Variants in ZDHHC23 observed in about 807,000 individuals in gnomAD.
ZDHHC23 encodes the protein zDHHC palmitoyltransferase 23, also known as palmitoyltransferase ZDHHC23.
Under a neutral mutation model 40.2 loss-of-function variants are expected in ZDHHC23, and 41 were observed. The observed-to-expected ratio is 1.02, with a 90% CI of 0.79 to 1.32. The LOEUF (loss-of-function observed/expected upper bound fraction) is 1.32. Among genes scored for constraint, ZDHHC23 ranks in the 40% most tolerant of loss-of-function variants. The pLI, the probability that ZDHHC23 is intolerant of heterozygous loss-of-function variation, is 0.00. For missense variants in ZDHHC23, 471 were observed against 541.5 expected, an observed-to-expected ratio of 0.87 and a Z score of 1.29; for synonymous variants, 204 against 210.2, an observed-to-expected ratio of 0.97 and a Z score of 0.26.
chr3:113,977,129 T>C, the ZDHHC23 span, among the ~76,000 whole-genome samples: 1 of 152,104 alleles, frequency 6.6e-6, no homozygotes, highest in Non-Finnish European at 1.5e-5. Flanking sequence ...AAACCCTGTT[T>C]CTACTAAAAA....
At chr3:113,952,180 T>TA (rs1218324375) in intron 2 of ZDHHC23, among the ~76,000 whole-genome samples, 1 of 152,030 alleles carries the variant, frequency 6.6e-6, no homozygotes, top group Non-Finnish European at 1.5e-5. Context: ...CCTAAGCATT[T>TA]ATGAGAAGCC....
the ZDHHC23 span, among the ~76,000 whole-genome samples, chr3:113,970,554 T>C: frequency 1.1e-4 from 17 of 152,174 alleles, no homozygotes; most frequent in Non-Finnish European, 1.9e-4. Flanking sequence ...ATTTTGGTCC[T>C]GGCCAGGATG....
At chr3:113,956,126 C>T (rs1201192896) in intron 3 of ZDHHC23, among the ~76,000 whole-genome samples, 2 of 152,120 alleles carry the variant, frequency 1.3e-5, no homozygotes, top group African/African-American at 4.8e-5. Flanking sequence ...CCTGTAATCC[C>T]AGCTACTTGA....
intron 1 of ZDHHC23, 27 bp from the exon 2 acceptor site, chr3:113,948,657 CCT>C (rs1938359310): frequency 1.2e-5 from 11 of 931,884 alleles, no homozygotes; most frequent in South Asian, 1.8e-5. Context: ...ACCCCCTCCC[CCT>C]CTCTCTTCTC....
the ZDHHC23 span, chr3:113,978,136 G>A: frequency 2.5e-6 from 4 of 1,598,464 alleles, no homozygotes; most frequent in African/African-American, 2.7e-5. Flanking sequence ...ATATATTGCT[G>A]AGCAATTGTG....
chr3:113,967,115 GAAAA>G (rs1256669022), downstream of ZDHHC23, among the ~76,000 whole-genome samples: 282 of 151,634 alleles, frequency 1.9e-3, 2 homozygotes, highest in African/African-American at 6.5e-3. Context: ...AAGAAAAAAA[GAAAA>G]AAAGAAAAAG....
intron 1 of ZDHHC23, 164 bp from the exon 2 acceptor site, chr3:113,948,522 A>C: frequency 2.8e-6 from 1 of 354,936 alleles, no homozygotes; most frequent in Admixed American, 4.1e-5. Context: ...TCGCCATAGG[A>C]ACGGCTGGTG....
chr3:113,970,658 G>A, the ZDHHC23 span, among the ~76,000 whole-genome samples: 1 of 152,186 alleles, frequency 6.6e-6, no homozygotes, highest in Admixed American at 6.5e-5. Flanking sequence ...ATGTTGGTGT[G>A]CTGCACCCAT....
chr3:113,955,156 G>C (rs927615686), intron 3 of ZDHHC23, among the ~76,000 whole-genome samples: 3 of 152,174 alleles, frequency 2.0e-5, no homozygotes, highest in Non-Finnish European at 4.4e-5. Flanking sequence ...TGCTTTTCGT[G>C]TCTAGGATTC....
At chr3:113,967,605 T>A (rs913584313), downstream of ZDHHC23, among the ~76,000 whole-genome samples, 1 of 152,230 alleles carries the variant, frequency 6.6e-6, no homozygotes, top group African/African-American at 2.4e-5. Flanking sequence ...GGGATATCCA[T>A]CACCTTAAAT....
chr3:113,955,391 T>TGTGTGTGTGTGTGTGTGC (rs58421915), intron 3 of ZDHHC23, among the ~76,000 whole-genome samples: 2 of 149,060 alleles, frequency 1.3e-5, no homozygotes, highest in African/African-American at 2.5e-5. Context: ...TGTGTGTGTG[T>TGTGTGTGTGTGTGTGTGC]GCGTGTGTGT....
the ZDHHC23 span, among the ~76,000 whole-genome samples, chr3:113,973,538 TC>T: frequency 6.6e-6 from 1 of 152,106 alleles, no homozygotes; most frequent in Non-Finnish European, 1.5e-5. Flanking sequence ...AGAAAAACTT[TC>T]TCTATCCTTC....
downstream of ZDHHC23, among the ~76,000 whole-genome samples, chr3:113,968,465 T>A (rs1164357109): frequency 6.6e-6 from 1 of 152,086 alleles, no homozygotes; most frequent in East Asian, 1.9e-4. Context: ...CCCCCCCTTT[T>A]TTTTTTAGGG....
chr3:113,955,908 A>G (rs1939184208), intron 3 of ZDHHC23, among the ~76,000 whole-genome samples: 2 of 152,360 alleles, frequency 1.3e-5, no homozygotes, highest in South Asian at 4.1e-4. Flanking sequence ...TTGAAAAATA[A>G]GAGAACTTCT....
Position 113,960,946 on chromosome 3 carries a change from G to A in ZDHHC23, c.*2316G>A. 3 of 609,316 alleles carry A rather than the reference G, an allele frequency of 4.9e-6. No individual in the cohort carries two copies. The highest frequency in any genetic ancestry group is 7.8e-6 in the Non-Finnish European group (3 of 382,410). The allele number at this position is 609,316 out of a possible 1,614,324, so 37.7% of individuals were successfully genotyped here. On this transcript the variant is annotated 3_prime_UTR_variant, in exon 5 of 5. Transcript: ENST00000638807. ...CAGCAAACAAGGGGCTAATCCATGA[G>A]CAGTGTTCTGTAGGCTCTGTGACAT...
At chr3:113,972,774 C>A in the ZDHHC23 span, among the ~76,000 whole-genome samples, 12 of 152,182 alleles carry the variant, frequency 7.9e-5, no homozygotes, top group African/African-American at 2.6e-4. Context: ...TTGTTATATC[C>A]TCTTGCTGAA....
chr3:113,978,950 G>A, the ZDHHC23 span: 10 of 1,613,856 alleles, frequency 6.2e-6, no homozygotes, highest in African/African-American at 2.7e-5. Flanking sequence ...TCCTGACTAC[G>A]CTGGAACCAC....
In ZDHHC23 at chr3:113,958,657, G is replaced by A; in HGVS notation, c.*27G>A. On this transcript the variant is annotated 3_prime_UTR_variant, in exon 5 of 5. Transcript: ENST00000638807. ...GTGCCTTCTATGTGGCTCTCTGAGG[G>A]ATGATGGCTCCTCCTTCCGTCTCCC... is the stretch of plus-strand genomic sequence containing the variant. The A allele has an allele frequency of 6.3e-7, 1 of 1,593,750 alleles. No homozygotes were observed.
At position 113,959,795 on chromosome 3, in the gene ZDHHC23, A is replaced by G. The variant is rs1939559880; in HGVS notation, c.*1165A>G. 1 of 1,064,256 alleles carries G rather than the reference A, an allele frequency of 9.4e-7. No individual in the cohort carries two copies. The allele number at this position is 1,064,256 out of a possible 1,614,324, so 65.9% of individuals were successfully genotyped here. A position where few individuals can be genotyped will look rare whatever the true frequency, so the allele number is the denominator to read the frequency against. ...CAATTACCCCTCCCTAAATAACAGTATCTCACTAAGAGAGAAGAAACAGGG... is the reference window on the plus strand; with the variant it reads ...CAATTACCCCTCCCTAAATAACAGTGTCTCACTAAGAGAGAAGAAACAGGG... On this transcript the variant is annotated 3_prime_UTR_variant, in exon 5 of 5. Transcript: ENST00000638807.
Sources: gnomAD v4.1 joint callset for allele counts (sites outside exome capture counted in the v4.1 genomes callset) on GRCh38, gnomAD v4.1.1 for gene constraint, MANE v1.5 for transcripts, NCBI Gene and HGNC (gene_info 2026-07-23, HGNC 2026-07-21) for gene names.